DSCAM: variants seen among roughly 807,000 people sequenced by gnomAD.
DSCAM encodes the protein cell adhesion molecule DSCAM.
In DSCAM, 47 loss-of-function variants were observed where a neutral mutation model predicts 217.7. The ratio of observed to expected loss-of-function variants is 0.22; its 90% confidence interval spans 0.17 to 0.28. DSCAM has a LOEUF of 0.28. Among genes scored for constraint, DSCAM ranks in the 10% least tolerant of loss-of-function variants. The pLI is 1.00. For missense variants in DSCAM, 2,080 were observed against 2,618.3 expected, an observed-to-expected ratio of 0.79 and a Z score of 4.49; for synonymous variants, 1,056 against 1,015.3, an observed-to-expected ratio of 1.04 and a Z score of -0.76.
At chr21:40,073,398 G>A (rs1029005507) in intron 27 of DSCAM, among the ~76,000 whole-genome samples, 1 of 152,150 alleles carries the variant, frequency 6.6e-6, no homozygotes, top group Non-Finnish European at 1.5e-5. Context: ...GTTAGACATA[G>A]TTGTCTAATG....
intron 3 of DSCAM, among the ~76,000 whole-genome samples, chr21:40,668,663 C>A (rs1053854718): frequency 4.6e-5 from 7 of 152,096 alleles, no homozygotes; most frequent in Admixed American, 1.3e-4. Flanking sequence ...GATTCATGTG[C>A]ACTAAACTGT....
chr21:40,731,730 C>G (rs1046913560), intron 1 of DSCAM, among the ~76,000 whole-genome samples: 63 of 89,894 alleles, frequency 7.0e-4, no homozygotes, highest in Non-Finnish European at 9.8e-4. Context: ...CCCACTGCAC[C>G]CCCCCCCCCG....
At chr21:40,764,197 C>T (rs10854406) in intron 1 of DSCAM, among the ~76,000 whole-genome samples, 47,484 of 151,666 alleles carry the variant, frequency 0.31, 8,597 homozygotes, top group East Asian at 0.4. Context: ...TCTACCCATC[C>T]GACAAAGGGC....
rs1286017423 is a variant in DSCAM at position 40,106,040 on chromosome 21, A to T, written c.3697-12166T>A. 7.9e-5 allele frequency among the ~76,000 whole-genome samples: 12 copies of T among 152,334 alleles called. No homozygotes were observed. In the South Asian group the frequency reaches 2.5e-3, roughly 32 times the overall value. ...GAGACTGTGTAATTTATAAAGAAAAAGAAGTTTAATGGACTCACAGTTCCA... is the reference window on the plus strand; with the variant it reads ...GAGACTGTGTAATTTATAAAGAAAATGAAGTTTAATGGACTCACAGTTCCA... On this transcript the variant is annotated intron_variant, in intron 20 of 32. Coordinates refer to ENST00000400454, the MANE Select transcript of DSCAM (RefSeq NM_001389.5).
intron 5 of DSCAM, among the ~76,000 whole-genome samples, chr21:40,350,561 G>GCA: frequency 6.6e-6 from 1 of 152,122 alleles, no homozygotes; most frequent in Non-Finnish European, 1.5e-5. Context: ...CTTCTAGGTT[G>GCA]ATAAGACAAA....
intron 10 of DSCAM, 75 bp downstream of exon 10, chr21:40,295,980 C>G: frequency 6.6e-7 from 1 of 1,517,536 alleles, no homozygotes; most frequent in Non-Finnish European, 8.8e-7. Flanking sequence ...CTCTGGAAAT[C>G]TAGAAATGCT....
intron 3 of DSCAM, among the ~76,000 whole-genome samples, chr21:40,603,071 TTTGAC>T (rs1377733914): frequency 6.6e-6 from 1 of 152,196 alleles, no homozygotes; most frequent in Non-Finnish European, 1.5e-5. Context: ...AGATTTCTGC[TTTGAC>T]TTATGTGTTA....
At chr21:40,208,857 C>G (rs972229456) in intron 11 of DSCAM, among the ~76,000 whole-genome samples, 2 of 152,098 alleles carry the variant, frequency 1.3e-5, no homozygotes, top group African/African-American at 4.8e-5. Flanking sequence ...TAAAACAGGC[C>G]AATCTGATCC....
At chr21:40,264,035 G>A (rs1239166941) in intron 11 of DSCAM, among the ~76,000 whole-genome samples, 1 of 151,040 alleles carries the variant, frequency 6.6e-6, no homozygotes, top group Non-Finnish European at 1.5e-5. Flanking sequence ...CTAATAACAA[G>A]CAGTGATATT....
At chr21:40,052,234 G>A (rs1568914595) in intron 29 of DSCAM, 127 bp from the exon 30 acceptor site, 1 of 1,030,604 alleles carries the variant, frequency 9.7e-7, no homozygotes, top group South Asian at 1.7e-5. Context: ...CCCATCTAAA[G>A]TGACAAAAAT....
chr21:40,063,560 T>C (rs1020451711), intron 27 of DSCAM, among the ~76,000 whole-genome samples: 4 of 152,216 alleles, frequency 2.6e-5, no homozygotes, highest in Admixed American at 2.6e-4. Context: ...TTATTCTTTT[T>C]ACACATTTGG....
chr21:40,255,598 T>C (rs2073359796), intron 11 of DSCAM, among the ~76,000 whole-genome samples: 1 of 152,226 alleles, frequency 6.6e-6, no homozygotes, highest in Non-Finnish European at 1.5e-5. Context: ...CGCATGGGAC[T>C]TTAAATGCAG....
intron 11 of DSCAM, among the ~76,000 whole-genome samples, chr21:40,260,527 G>A (rs566550582): frequency 2.6e-4 from 39 of 152,292 alleles, no homozygotes; most frequent in African/African-American, 9.1e-4. Context: ...CCTAACATGA[G>A]GAGTGAGGAT....
At chr21:40,146,678 G>A (rs531036179) in intron 16 of DSCAM, among the ~76,000 whole-genome samples, 15 of 152,280 alleles carry the variant, frequency 9.9e-5, no homozygotes, top group South Asian at 2.1e-4. Context: ...GTGCCAGCAG[G>A]TGTCAGTGAA....
chr21:40,658,873 G>C (rs542258785), intron 3 of DSCAM, among the ~76,000 whole-genome samples: 1 of 152,216 alleles, frequency 6.6e-6, no homozygotes, highest in Non-Finnish European at 1.5e-5. Context: ...ATAAATTTAA[G>C]ACATTAGTCT....
At chr21:40,446,100 T>C (rs530707140) in intron 3 of DSCAM, among the ~76,000 whole-genome samples, 150 of 152,334 alleles carry the variant, frequency 9.8e-4, no homozygotes, top group African/African-American at 3.5e-3. Context: ...GGGAACTTAT[T>C]ACCTGACAGA....
chr21:40,216,274 A>T (rs1054026576), intron 11 of DSCAM, among the ~76,000 whole-genome samples: 11 of 148,352 alleles, frequency 7.4e-5, no homozygotes, highest in Admixed American at 5.4e-4. Flanking sequence ...TGCCTAATTT[A>T]AAAAAAAAAT....
At chr21:40,498,668 C>CCCAT (rs1555846358) in intron 3 of DSCAM, among the ~76,000 whole-genome samples, 16 of 28,530 alleles carry the variant, frequency 5.6e-4, no homozygotes, top group African/African-American at 1.8e-3. Context: ...TATATATACC[C>CCCAT]ATATATATAT....
At position 40,116,254 on chromosome 21, in the gene DSCAM, A is replaced by T. The variant is rs138124984; in HGVS notation, c.3696+7941T>A. 4.7e-3 allele frequency among the ~76,000 whole-genome samples: 712 copies of T among 152,300 alleles called. 8 individuals are homozygous for T. Among genetic ancestry groups the T allele is most frequent in the African/African-American group, 0.016 (677 of 41,564 alleles). On this transcript the variant is annotated intron_variant, in intron 20 of 32. Transcript: ENST00000400454. Reference sequence around the variant, plus strand: ...TGGGTGATGAAATAATCTGTAAAACAAACTTTTGTGACACAAGTTTACCTA... The same window carrying T: ...TGGGTGATGAAATAATCTGTAAAACTAACTTTTGTGACACAAGTTTACCTA...
Sources: allele counts gnomAD v4.1 joint callset (sites outside exome capture counted in the v4.1 genomes callset), GRCh38; gene constraint gnomAD v4.1.1; transcripts MANE v1.5; gene names NCBI Gene and HGNC (gene_info 2026-07-23, HGNC 2026-07-21).